Variants in MDGA2 observed in about 807,000 individuals in gnomAD.
MDGA2 encodes the protein MAM domain containing glycosylphosphatidylinositol anchor 2, also known as MAM domain-containing glycosylphosphatidylinositol anchor protein 2.
A neutral mutation model predicts 117.8 loss-of-function variants in MDGA2; 40 were observed. That is an observed-to-expected ratio of 0.34 (90% CI 0.26 to 0.44). The LOEUF (loss-of-function observed/expected upper bound fraction) is 0.44, where lower values mean the gene tolerates loss of function less well. Among genes scored for constraint, MDGA2 ranks in the 20% least tolerant of loss-of-function variants. The pLI, the probability that MDGA2 is intolerant of heterozygous loss-of-function variation, is 1.00. For missense variants in MDGA2, 1,123 were observed against 1,250.6 expected, an observed-to-expected ratio of 0.90 and a Z score of 1.54; for synonymous variants, 452 against 439.0, an observed-to-expected ratio of 1.03 and a Z score of -0.37.
At chr14:47,049,191 G>A (rs1282844770) in intron 7 of MDGA2, among the ~76,000 whole-genome samples, 1 of 152,034 alleles carries the variant, frequency 6.6e-6, no homozygotes, top group South Asian at 2.1e-4. Context: ...TTTAGACATC[G>A]ACATTTAAAC....
At chr14:46,965,750 G>A (rs1314837270) in intron 8 of MDGA2, among the ~76,000 whole-genome samples, 1 of 152,086 alleles carries the variant, frequency 6.6e-6, no homozygotes, top group Non-Finnish European at 1.5e-5. Flanking sequence ...TTTCGAATAT[G>A]ATGAAAGAAA....
At chr14:46,848,213 T>A (rs1880919294) in intron 15 of MDGA2, among the ~76,000 whole-genome samples, 1 of 152,030 alleles carries the variant, frequency 6.6e-6, no homozygotes, top group Non-Finnish European at 1.5e-5. Context: ...TTGAAAAACA[T>A]CCACAGTGTT....
intron 8 of MDGA2, among the ~76,000 whole-genome samples, chr14:47,014,750 ATCT>A (rs1422907397): frequency 2.6e-5 from 4 of 152,172 alleles, no homozygotes; most frequent in Non-Finnish European, 5.9e-5. Flanking sequence ...GGCAGGTTTG[ATCT>A]TCTATCCAGA....
At chr14:47,632,871 C>T (rs956632989) in intron 1 of MDGA2, among the ~76,000 whole-genome samples, 7 of 151,776 alleles carry the variant, frequency 4.6e-5, no homozygotes, top group Non-Finnish European at 8.8e-5. Context: ...ACTTTTAACT[C>T]GGCCTGTGTT....
intron 10 of MDGA2, among the ~76,000 whole-genome samples, chr14:46,903,973 G>A (rs955907166): frequency 7.2e-5 from 11 of 152,226 alleles, no homozygotes; most frequent in African/African-American, 1.9e-4. Context: ...AAAGGAAGAT[G>A]ATTTTTAATT....
intron 16 of MDGA2, among the ~76,000 whole-genome samples, chr14:46,845,130 G>A (rs1216687129): frequency 6.6e-6 from 1 of 152,026 alleles, no homozygotes; most frequent in Non-Finnish European, 1.5e-5. Context: ...TGATCCACCC[G>A]CCTCGGCCTC....
intron 7 of MDGA2, among the ~76,000 whole-genome samples, chr14:47,040,220 G>A (rs907259601): frequency 1.3e-5 from 2 of 152,008 alleles, no homozygotes; most frequent in African/African-American, 4.8e-5. Flanking sequence ...CACTAATTCA[G>A]GGAAGAGGAG....
chr14:47,472,521 G>C (rs1305965674), intron 1 of MDGA2, among the ~76,000 whole-genome samples: 2 of 152,152 alleles, frequency 1.3e-5, no homozygotes, highest in Non-Finnish European at 2.9e-5. Context: ...ACTGTCTCGT[G>C]GGACCACAAG....
chr14:46,954,258 G>A (rs1221414529), intron 9 of MDGA2, among the ~76,000 whole-genome samples: 2 of 151,912 alleles, frequency 1.3e-5, no homozygotes, highest in Non-Finnish European at 2.9e-5. Context: ...CCAGGGTCTA[G>A]CTTGCTTAGT....
At chr14:47,571,307 G>T (rs1211454377) in intron 1 of MDGA2, among the ~76,000 whole-genome samples, 1 of 152,184 alleles carries the variant, frequency 6.6e-6, no homozygotes, top group Non-Finnish European at 1.5e-5. Flanking sequence ...CTGTTGGTGG[G>T]AGTGTAAATT....
intron 3 of MDGA2, among the ~76,000 whole-genome samples, chr14:47,174,285 G>A (rs1318454743): frequency 1.3e-5 from 2 of 152,086 alleles, no homozygotes; most frequent in African/African-American, 4.8e-5. Flanking sequence ...ACTCAGCTCT[G>A]CACCAAGCGG....
intron 3 of MDGA2, among the ~76,000 whole-genome samples, chr14:47,202,541 C>A (rs755879020): frequency 4.6e-5 from 7 of 152,058 alleles, no homozygotes; most frequent in Non-Finnish European, 8.8e-5. Context: ...TGCCATTTGT[C>A]GATAGGAATT....
chr14:47,652,327 T>C (rs780320669), intron 1 of MDGA2, among the ~76,000 whole-genome samples: 15 of 152,216 alleles, frequency 9.9e-5, no homozygotes, highest in Non-Finnish European at 1.8e-4. Flanking sequence ...CTCTCATCTA[T>C]TATTCCTGAG....
chr14:46,841,934 C>T lies in MDGA2; in HGVS notation c.3075G>A (p.Arg1025=). The T allele has an allele frequency of 1.2e-6, 2 of 1,606,036 alleles. No homozygotes were observed. Among genetic ancestry groups the T allele is most frequent in the South Asian group, 1.1e-5 (1 of 90,304 alleles). The change falls in exon 17 of 17, where the codon AGG becomes AGA. Residue 1025 remains arginine (R), a synonymous_variant. Coordinates refer to ENST00000399232, the MANE Select transcript of MDGA2 (RefSeq NM_001113498.3). ...IVLISILSPR[R] is the part of the protein sequence containing the mutation. The stretch of plus-strand genomic sequence containing the variant: ...TATAGCCTCTGCCAGGATAAGGTCA[C>T]CTTCGAGGACTTAAGATAGAGATGA...
At chr14:47,285,331 A>T (rs72680290) in intron 2 of MDGA2, among the ~76,000 whole-genome samples, 26 of 151,888 alleles carry the variant, frequency 1.7e-4, no homozygotes, top group Admixed American at 3.3e-4. Context: ...TACTAAATTG[A>T]TTTTTTTTCC....
At chr14:46,983,246 T>G (rs1018559307) in intron 8 of MDGA2, among the ~76,000 whole-genome samples, 2 of 152,134 alleles carry the variant, frequency 1.3e-5, no homozygotes, top group African/African-American at 4.8e-5. Context: ...ACAAAACTGT[T>G]TTTGGCAAAT....
At chr14:47,461,138 T>A (rs1893474451) in intron 1 of MDGA2, among the ~76,000 whole-genome samples, 1 of 152,144 alleles carries the variant, frequency 6.6e-6, no homozygotes, top group Non-Finnish European at 1.5e-5. Context: ...CATTAACAGC[T>A]AAGAGGATAG....
At chr14:47,042,549 T>C (rs1889116109) in intron 7 of MDGA2, among the ~76,000 whole-genome samples, 1 of 152,132 alleles carries the variant, frequency 6.6e-6, no homozygotes, top group Admixed American at 6.6e-5. Context: ...CCTCCATCTC[T>C]TCTTTGCTAG....
intron 1 of MDGA2, among the ~76,000 whole-genome samples, chr14:47,598,007 A>G (rs982896214): frequency 6.6e-6 from 1 of 152,166 alleles, no homozygotes; most frequent in African/African-American, 2.4e-5. Context: ...ACATAGTCAT[A>G]AAGTGTGCTT....
Sources: gnomAD v4.1 joint callset for allele counts (sites outside exome capture counted in the v4.1 genomes callset) on GRCh38, gnomAD v4.1.1 for gene constraint, MANE v1.5 for transcripts, NCBI Gene and HGNC (gene_info 2026-07-23, HGNC 2026-07-21) for gene names.